KIRREL3: variants seen among roughly 807,000 people sequenced by gnomAD.
KIRREL3 encodes the protein kirre like nephrin family adhesion molecule 3, also known as kin of IRRE-like protein 3.
A neutral mutation model predicts 89.7 loss-of-function variants in KIRREL3; 36 were observed. That is an observed-to-expected ratio of 0.40 (90% CI 0.31 to 0.53). The LOEUF is 0.53. Among genes scored for constraint, KIRREL3 ranks in the 20% least tolerant of loss-of-function variants. The pLI, the probability that KIRREL3 is intolerant of heterozygous loss-of-function variation, is 0.49. For missense variants in KIRREL3, 864 were observed against 1,056.6 expected, an observed-to-expected ratio of 0.82 and a Z score of 2.53; for synonymous variants, 445 against 441.4, an observed-to-expected ratio of 1.01 and a Z score of -0.10.
intron 1 of KIRREL3, among the ~76,000 whole-genome samples, chr11:126,660,125 G>A (rs914485808): frequency 1.3e-4 from 20 of 152,276 alleles, no homozygotes; most frequent in African/African-American, 4.8e-4. Flanking sequence ...CCGATGCCAG[G>A]GTATGTGAAG....
At chr11:126,809,277 C>T (rs573036196) in intron 1 of KIRREL3, among the ~76,000 whole-genome samples, 24 of 152,256 alleles carry the variant, frequency 1.6e-4, no homozygotes, top group South Asian at 6.2e-4. Context: ...GAATCTCCTC[C>T]GTGCTCTAGG....
rs550136579 is a variant in KIRREL3, at chr11:126,647,036, G to C, written c.56-84124C>G. ...GAATTTTTATTCCTACAGCAATTTA[G>C]TAATGATGATGACACTTAAGCATTT... On this transcript the variant is annotated intron_variant, in intron 1 of 16. Transcript: ENST00000525144. This position sits in a 1 kb window ranked among gnomAD's most constrained non-coding sequence, Gnocchi z 4.9. 1.8e-3 allele frequency among the ~76,000 whole-genome samples: 272 copies of C among 152,238 alleles called. 9 individuals carry two copies. The highest frequency in any genetic ancestry group is 0.018 in the Admixed American group (270 of 15,290).
intron 1 of KIRREL3, among the ~76,000 whole-genome samples, chr11:126,863,709 G>A (rs908825936): frequency 2.0e-5 from 3 of 152,122 alleles, no homozygotes; most frequent in African/African-American, 4.8e-5. Context: ...GTGTAGTAGC[G>A]GAGGAACAAA....
At chr11:126,935,140 A>C (rs1186247977) in intron 1 of KIRREL3, 2 of 150,634 alleles carry the variant, frequency 1.3e-5, no homozygotes, top group African/African-American at 4.9e-5. Flanking sequence ...GTCATGAGAG[A>C]ATTTCAAATT....
intron 1 of KIRREL3, among the ~76,000 whole-genome samples, chr11:126,667,750 T>C (rs1945727669): frequency 6.6e-6 from 1 of 152,090 alleles, no homozygotes; most frequent in African/African-American, 2.4e-5. Context: ...AGTGTGTGTG[T>C]AGAGGCACTA....
chr11:126,542,845 C>T (rs1938475323), intron 2 of KIRREL3, among the ~76,000 whole-genome samples: 1 of 152,214 alleles, frequency 6.6e-6, no homozygotes, highest in Non-Finnish European at 1.5e-5. Flanking sequence ...TACTTGAGTG[C>T]TGACTATATA....
At position 126,525,530 on chromosome 11, in the gene KIRREL3, A is replaced by G. The variant is rs1306615982; in HGVS notation, c.283+1008T>C. ...ACATTTTTGGCAAGACATAACTCAC[A>G]TTTAAAAATATTAATTTCCCAACCA... On this transcript the variant is annotated intron_variant, in intron 3 of 16. Coordinates refer to ENST00000525144, the MANE Select transcript of KIRREL3 (RefSeq NM_032531.4). The surrounding 1 kb of genome is among the most constrained non-coding windows in gnomAD (Gnocchi z 5.4). 6.6e-6 allele frequency among the ~76,000 whole-genome samples: 1 copy of G among 152,252 alleles called. No homozygotes were observed. Among genetic ancestry groups the G allele is most frequent in the Admixed American group, 6.5e-5 (1 of 15,290 alleles).
In KIRREL3 at chr11:126,768,944, T is replaced by C. The variant is rs946564687; in HGVS notation, c.56-206032A>G. The stretch of plus-strand genomic sequence containing the variant: ...AAGTGTTGTAAGCAGAGAAGTAACA[T>C]GATCTGCTTTGTGTCTCAACATCTT... On this transcript the variant is annotated intron_variant, in intron 1 of 16. Coordinates refer to ENST00000525144, the MANE Select transcript of KIRREL3 (RefSeq NM_032531.4). The surrounding 1 kb of genome is among the most constrained non-coding windows in gnomAD (Gnocchi z 4.5). Among the ~76,000 whole-genome samples, 2 of 152,236 alleles carry C rather than the reference T, an allele frequency of 1.3e-5. No individual in the cohort carries two copies. Among genetic ancestry groups the C allele is most frequent in the Non-Finnish European group, 2.9e-5 (2 of 68,042 alleles).
intron 1 of KIRREL3, among the ~76,000 whole-genome samples, chr11:126,822,991 T>G (rs536479245): frequency 6.6e-6 from 1 of 152,312 alleles, no homozygotes; most frequent in South Asian, 2.1e-4. Context: ...GGGAGGAATG[T>G]CGAGGAATTT....
chr11:126,976,972 C>T lies in KIRREL3; in HGVS notation c.55+23483G>A, dbSNP rs565677880. Among the ~76,000 whole-genome samples the T allele has an allele frequency of 7.9e-5, 12 of 152,074 alleles. No individual in the cohort carries two copies. The highest frequency in any genetic ancestry group is 6.3e-4 in the South Asian group (3 of 4,788). ...GATCGTCCCTCAACTATGAACAGCA[C>T]GATAGGAAAGAGAGTACCAAGAGAG... On this transcript the variant is annotated intron_variant, in intron 1 of 16. Transcript: ENST00000525144. This position sits in a 1 kb window ranked among gnomAD's most constrained non-coding sequence, Gnocchi z 4.2.
At chr11:126,857,633 G>A (rs1318232262) in intron 1 of KIRREL3, among the ~76,000 whole-genome samples, 1 of 152,060 alleles carries the variant, frequency 6.6e-6, no homozygotes, top group Non-Finnish European at 1.5e-5. Flanking sequence ...TTCCTTCATG[G>A]TCATATGTCT....
At position 126,638,060 on chromosome 11, in the gene KIRREL3, C is replaced by A. The variant is rs193027991; in HGVS notation, c.56-75148G>T. Among the ~76,000 whole-genome samples the A allele has an allele frequency of 2.6e-5, 4 of 152,256 alleles. No individual in the cohort carries two copies. In the East Asian group the frequency reaches 5.8e-4, roughly 22 times the overall value. ...GTATGCGTGTGGAACTAAGGCTCAA[C>A]AAATGGAAACCTGTAAAATCTATAC... On this transcript the variant is annotated intron_variant, in intron 1 of 16. Transcript: ENST00000525144.
intron 1 of KIRREL3, among the ~76,000 whole-genome samples, chr11:126,751,228 G>A (rs1949325193): frequency 1.3e-5 from 2 of 152,206 alleles, no homozygotes; most frequent in Non-Finnish European, 2.9e-5. Context: ...AAGGAAGCAA[G>A]CTGTCTTATT....
At chr11:126,746,768 T>C (rs537250732) in intron 1 of KIRREL3, among the ~76,000 whole-genome samples, 1 of 152,306 alleles carries the variant, frequency 6.6e-6, no homozygotes, top group Admixed American at 6.5e-5. Context: ...ACCTGGAGTA[T>C]TACAAGTATT....
At chr11:126,951,025 C>G (rs933326392) in intron 1 of KIRREL3, among the ~76,000 whole-genome samples, 2 of 152,232 alleles carry the variant, frequency 1.3e-5, no homozygotes, top group African/African-American at 4.8e-5. Flanking sequence ...GGACAGCAGA[C>G]AGAAATGTTC....
chr11:126,746,824 C>A (rs1949167450), intron 1 of KIRREL3, among the ~76,000 whole-genome samples: 1 of 152,182 alleles, frequency 6.6e-6, no homozygotes, highest in Non-Finnish European at 1.5e-5. Flanking sequence ...TTGTGCTTAG[C>A]AAGAACCTGC....
rs927795033 is a variant in KIRREL3 at position 126,527,748 on chromosome 11, T to C, written c.134-1061A>G. Among the ~76,000 whole-genome samples the C allele has an allele frequency of 2.6e-5, 4 of 151,910 alleles. No homozygotes were observed. Among genetic ancestry groups the C allele is most frequent in the African/African-American group, 9.7e-5 (4 of 41,342 alleles). Reference sequence around the variant, plus strand: ...CTGAATTGCCCAGGGAACTGTCTAGTGGGAGTTGGGGTGGGTGGTGCGGTG... The same window carrying C: ...CTGAATTGCCCAGGGAACTGTCTAGCGGGAGTTGGGGTGGGTGGTGCGGTG... On this transcript the variant is annotated intron_variant, in intron 2 of 16. Transcript: ENST00000525144. The surrounding 1 kb of genome is among the most constrained non-coding windows in gnomAD (Gnocchi z 4.2).
chr11:126,916,577 C>A (rs1165578986), intron 1 of KIRREL3, among the ~76,000 whole-genome samples: 1 of 152,016 alleles, frequency 6.6e-6, no homozygotes, highest in African/African-American at 2.4e-5. Context: ...CTCAACTGAT[C>A]GGTACAGAAA....
At chr11:126,819,322 G>A (rs1049451476) in intron 1 of KIRREL3, among the ~76,000 whole-genome samples, 9 of 152,296 alleles carry the variant, frequency 5.9e-5, no homozygotes, top group South Asian at 4.1e-4. Context: ...TACCAGAGCC[G>A]CTCAGGGGAA....
Sources: gnomAD v4.1 joint callset for allele counts (sites outside exome capture counted in the v4.1 genomes callset) on GRCh38, gnomAD v4.1.1 for gene constraint, Gnocchi (gnomAD v3.1) non-coding constraint, MANE v1.5 for transcripts, NCBI Gene and HGNC (gene_info 2026-07-23, HGNC 2026-07-21) for gene names.